Variants in DENND1B observed in about 807,000 individuals in gnomAD.
DENND1B encodes DENN domain-containing protein 1B.
A neutral mutation model predicts 90.1 loss-of-function variants in DENND1B; 59 were observed. The ratio of observed to expected loss-of-function variants is 0.65; its 90% CI spans 0.53 to 0.81. The LOEUF is 0.81. Ranked by LOEUF, DENND1B falls within the 40% of genes least tolerant of loss-of-function variation. The probability of loss-of-function intolerance (pLI) is 0.00; values close to 1 mark genes in which losing one functional copy is unlikely to be tolerated. For missense variants in DENND1B, 862 were observed against 912.6 expected (o/e 0.94, Z 0.71); for synonymous variants, 337 against 324.6 (o/e 1.04, Z -0.41).
chr1:197,594,679 T>C (rs964476202), intron 14 of DENND1B, among the ~76,000 whole-genome samples: 1 of 152,082 alleles, frequency 6.6e-6, no homozygotes, highest in Non-Finnish European at 1.5e-5. Context: ...AATTAGGGTA[T>C]TAAAACAGAA....
intron 14 of DENND1B, among the ~76,000 whole-genome samples, chr1:197,590,399 T>C (rs1055161570): frequency 1.3e-4 from 20 of 152,178 alleles, no homozygotes; most frequent in Non-Finnish European, 1.5e-5. Context: ...ATTAATTTTA[T>C]CTCACATTTT....
intron 10 of DENND1B, among the ~76,000 whole-genome samples, chr1:197,619,732 T>C (rs1677978854): frequency 6.6e-6 from 1 of 151,264 alleles, no homozygotes; most frequent in Non-Finnish European, 1.5e-5. Context: ...TGGTCATCCT[T>C]AAATGAAGTT....
At chr1:197,701,837 G>A in intron 3 of DENND1B, among the ~76,000 whole-genome samples, 1 of 149,996 alleles carries the variant, frequency 6.7e-6, no homozygotes, top group East Asian at 1.9e-4. Context: ...TCTAATTTAA[G>A]AGTAACAATC....
intron 3 of DENND1B, among the ~76,000 whole-genome samples, chr1:197,706,295 T>C (rs1161831815): frequency 3.3e-5 from 5 of 152,162 alleles, no homozygotes; most frequent in African/African-American, 1.2e-4. Context: ...TAAATTTGTA[T>C]AATATAAAAC....
intron 16 of DENND1B, among the ~76,000 whole-genome samples, chr1:197,547,619 A>G (rs1558226081): frequency 6.6e-6 from 1 of 152,186 alleles, no homozygotes; most frequent in South Asian, 2.1e-4. Context: ...CATGAAGACA[A>G]ATTTTTTTTC....
intron 10 of DENND1B, among the ~76,000 whole-genome samples, chr1:197,636,188 T>C (rs964654890): frequency 4.6e-5 from 7 of 151,934 alleles, no homozygotes; most frequent in Non-Finnish European, 8.8e-5. Context: ...ATCTAAAAGA[T>C]GAGAAAATGG....
chr1:197,535,627 A>G (rs938805199), intron 20 of DENND1B, among the ~76,000 whole-genome samples: 1 of 152,188 alleles, frequency 6.6e-6, no homozygotes, highest in African/African-American at 2.4e-5. Flanking sequence ...AAATAGTGTG[A>G]AGCAATCAGA....
rs375898106 is a variant in DENND1B at position 197,713,848 on chromosome 1, AT to A, written c.126+1182del. On this transcript the variant is annotated intron_variant, in intron 3 of 22. Coordinates refer to ENST00000620048, the MANE Select transcript of DENND1B (RefSeq NM_001195215.2). ...TATTATATATAATATATTATATTAT[AT>A]TATTATAATATATTATATATAACTA... Among the ~76,000 whole-genome samples, 3 of 58,756 alleles carry A rather than the reference AT, an allele frequency of 5.1e-5. No homozygotes were observed. The East Asian group carries it at 1.7e-3, about 34-fold the overall frequency. The allele number at this position is 58,756 out of a possible 152,430, so 38.5% of individuals were successfully genotyped here.
intron 10 of DENND1B, among the ~76,000 whole-genome samples, chr1:197,640,481 A>AC (rs979592705): frequency 2.6e-5 from 4 of 151,844 alleles, no homozygotes; most frequent in African/African-American, 9.7e-5. Flanking sequence ...TCAAAAAAAA[A>AC]AAAAAATTAA....
At chr1:197,529,203 GATATATAT>G (rs71131771) in intron 20 of DENND1B, among the ~76,000 whole-genome samples, 4,370 of 117,220 alleles carry the variant, frequency 0.037, 119 homozygotes, top group East Asian at 0.15. Context: ...AGTTAAGAGT[GATATATAT>G]ATATATATAT....
chr1:197,664,737 G>C (rs1332713753), intron 5 of DENND1B, among the ~76,000 whole-genome samples: 4 of 152,054 alleles, frequency 2.6e-5, no homozygotes, highest in Non-Finnish European at 4.4e-5. Context: ...CTAATGTCTA[G>C]AGGCTGTTTT....
intron 1 of DENND1B, chr1:197,774,718 A>T: frequency 6.4e-6 from 1 of 156,302 alleles, no homozygotes; most frequent in Admixed American, 6.5e-5. Context: ...CACTCGGAAT[A>T]ATAACCTCTT....
chr1:197,721,065 A>ATTTTT (rs11371047), intron 2 of DENND1B, among the ~76,000 whole-genome samples: 48 of 98,936 alleles, frequency 4.9e-4, no homozygotes, highest in East Asian at 8.7e-4. Context: ...GAGAAACGGC[A>ATTTTT]TTTTTTTTTT....
At chr1:197,729,798 T>A (rs1267984748) in intron 2 of DENND1B, among the ~76,000 whole-genome samples, 3 of 152,120 alleles carry the variant, frequency 2.0e-5, no homozygotes, top group Non-Finnish European at 4.4e-5. Context: ...TTTAGGTGAG[T>A]TATAGTAAAT....
At chr1:197,753,552 TA>T (rs906286348) in intron 2 of DENND1B, among the ~76,000 whole-genome samples, 9 of 152,056 alleles carry the variant, frequency 5.9e-5, no homozygotes, top group Non-Finnish European at 1.0e-4. Flanking sequence ...CTTTGGGTGA[TA>T]ATTAAGTGTC....
rs1381383215 is a variant in DENND1B at position 197,566,175 on chromosome 1, TGC to T, written c.1150-13065_1150-13064del. Among the ~76,000 whole-genome samples the T allele has an allele frequency of 3.3e-5, 5 of 152,084 alleles. No individual in the cohort carries two copies. In the East Asian group the frequency reaches 7.7e-4, roughly 23 times the overall value. ...TGTTGTTTCCTGACTTTTTAATGAT[TGC>T]CATTCTAACTGGTGTGAGATGGTAT... On this transcript the variant is annotated intron_variant, in intron 15 of 22. Transcript: ENST00000620048.
chr1:197,605,754 A>T (rs1676619332), intron 13 of DENND1B: 1 of 151,182 alleles, frequency 6.6e-6, no homozygotes, highest in South Asian at 2.1e-4. Flanking sequence ...AGATTTGTAC[A>T]TTCATAGCAT....
intron 20 of DENND1B, among the ~76,000 whole-genome samples, chr1:197,521,256 A>T (rs1668755043): frequency 6.6e-6 from 1 of 151,962 alleles, no homozygotes; most frequent in Non-Finnish European, 1.5e-5. Context: ...CCAGAAAGTG[A>T]ATCAGAAAGT....
At chr1:197,744,244 A>G (rs1460316752) in intron 2 of DENND1B, among the ~76,000 whole-genome samples, 2 of 152,224 alleles carry the variant, frequency 1.3e-5, no homozygotes, top group Non-Finnish European at 2.9e-5. Flanking sequence ...TCCATTCACC[A>G]AAGAGATTTT....
Sources: allele counts gnomAD v4.1 joint callset (sites outside exome capture counted in the v4.1 genomes callset), GRCh38; gene constraint gnomAD v4.1.1; transcripts MANE v1.5; gene names NCBI Gene and HGNC (gene_info 2026-07-23, HGNC 2026-07-21).